Variants in THRB observed in about 807,000 individuals in gnomAD.
The protein encoded by THRB is thyroid hormone receptor beta, also known as nuclear receptor subfamily 1 group A member 2.
In THRB, 12 loss-of-function variants were observed where a neutral mutation model predicts 47.8. That is an observed-to-expected ratio of 0.25 (90% CI 0.16 to 0.41). The LOEUF (loss-of-function observed/expected upper bound fraction) is 0.41, where lower values mean the gene tolerates loss of function less well. Ranked by LOEUF, THRB falls within the 10% of genes least tolerant of loss-of-function variation. The pLI is 1.00. For missense variants in THRB, 348 were observed against 589.2 expected, an observed-to-expected ratio of 0.59 and a Z score of 4.24; for synonymous variants, 218 against 212.2, an observed-to-expected ratio of 1.03 and a Z score of -0.24.
At chr3:24,386,559 C>A (rs1460341549) in intron 1 of THRB, among the ~76,000 whole-genome samples, 1 of 152,134 alleles carries the variant, frequency 6.6e-6, no homozygotes. Flanking sequence ...CCATGCTTTT[C>A]ACCTCTCTAC....
At chr3:24,228,632 CAAAGA>C (rs1559667192) in intron 4 of THRB, among the ~76,000 whole-genome samples, 6 of 59,196 alleles carry the variant, frequency 1.0e-4, no homozygotes, top group Admixed American at 2.1e-4. Context: ...GACCATGTCT[CAAAGA>C]AAAAAAAAAA....
At chr3:24,346,287 AT>A (rs1428480456) in intron 1 of THRB, among the ~76,000 whole-genome samples, 1 of 152,106 alleles carries the variant, frequency 6.6e-6, no homozygotes, top group African/African-American at 2.4e-5. Context: ...TAATAAATTA[AT>A]GATTCACTTT....
chr3:24,220,845 T>C (rs779495023), intron 4 of THRB, among the ~76,000 whole-genome samples: 17 of 151,620 alleles, frequency 1.1e-4, no homozygotes, highest in Non-Finnish European at 2.5e-4. Flanking sequence ...TTTGAAGCCA[T>C]TTAACCCACA....
intron 2 of THRB, among the ~76,000 whole-genome samples, chr3:24,328,442 T>C (rs2061722590): frequency 6.6e-6 from 1 of 152,138 alleles, no homozygotes; most frequent in Non-Finnish European, 1.5e-5. Flanking sequence ...AAACTCCAAA[T>C]GTCCAAACCC....
intron 5 of THRB, among the ~76,000 whole-genome samples, chr3:24,170,999 C>G (rs1352380329): frequency 6.6e-6 from 1 of 152,152 alleles, no homozygotes; most frequent in Non-Finnish European, 1.5e-5. Context: ...AGAGATAGAG[C>G]TGTTTATTAA....
At chr3:24,443,849 C>G (rs4241526) in intron 1 of THRB, among the ~76,000 whole-genome samples, 124,168 of 152,050 alleles carry the variant, frequency 0.82, 51,552 homozygotes, top group Non-Finnish European at 0.89. Flanking sequence ...GACTGAAATT[C>G]GAAGGGAATA....
chr3:24,383,955 C>T (rs2065890102), intron 1 of THRB, among the ~76,000 whole-genome samples: 1 of 152,102 alleles, frequency 6.6e-6, no homozygotes, highest in Non-Finnish European at 1.5e-5. Flanking sequence ...ATGGTAAATT[C>T]TCAGCAATTA....
chr3:24,444,011 A>T (rs2071809944), intron 1 of THRB, among the ~76,000 whole-genome samples: 8 of 152,146 alleles, frequency 5.3e-5, no homozygotes, highest in Admixed American at 3.9e-4. Flanking sequence ...ATTTTATAGT[A>T]TTCCAAAACC....
At chr3:24,354,418 A>G (rs1032842785) in intron 1 of THRB, among the ~76,000 whole-genome samples, 1 of 152,182 alleles carries the variant, frequency 6.6e-6, no homozygotes, top group Non-Finnish European at 1.5e-5. Flanking sequence ...GCTATCACAA[A>G]TTGGACAGAA....
intron 1 of THRB, among the ~76,000 whole-genome samples, chr3:24,427,481 T>C (rs539081384): frequency 3.3e-5 from 5 of 152,024 alleles, no homozygotes; most frequent in South Asian, 4.1e-4. Context: ...GTGCTTTTTA[T>C]AACCAAAAAA....
chr3:24,165,160 G>T (rs1370912758), intron 5 of THRB: 1 of 765,020 alleles, frequency 1.3e-6, no homozygotes, highest in Admixed American at 1.7e-5. Flanking sequence ...TGTTTCCAGG[G>T]TAACTACAGG....
chr3:24,209,942 T>G (rs190786085), intron 4 of THRB, among the ~76,000 whole-genome samples: 1 of 152,184 alleles, frequency 6.6e-6, no homozygotes, highest in Non-Finnish European at 1.5e-5. Flanking sequence ...AGAAAAAATA[T>G]TGTGCTGTTA....
chr3:24,180,743 T>C (rs2041791551), intron 5 of THRB, among the ~76,000 whole-genome samples: 1 of 152,154 alleles, frequency 6.6e-6, no homozygotes, highest in South Asian at 2.1e-4. Context: ...AGCCACAGAA[T>C]AGAATAACTG....
intron 4 of THRB, among the ~76,000 whole-genome samples, chr3:24,220,935 T>C (rs1009754925): frequency 4.3e-4 from 65 of 152,200 alleles, no homozygotes; most frequent in African/African-American, 1.4e-3. Context: ...CTTCACCACA[T>C]TGGCTTCAGC....
At chr3:24,149,437 A>G (rs1199893544) in intron 6 of THRB, among the ~76,000 whole-genome samples, 1 of 152,184 alleles carries the variant, frequency 6.6e-6, no homozygotes, top group African/African-American at 2.4e-5. Flanking sequence ...GACCAGTAAG[A>G]CCACGCTAAG....
At chr3:24,205,570 T>G (rs1014669646) in intron 4 of THRB, among the ~76,000 whole-genome samples, 8 of 152,284 alleles carry the variant, frequency 5.3e-5, no homozygotes, top group South Asian at 4.1e-4. Flanking sequence ...AGACCATCGA[T>G]GCTAGAAAGA....
chr3:24,290,696 A>G (rs76569641), intron 3 of THRB, among the ~76,000 whole-genome samples: 3,549 of 152,276 alleles, frequency 0.023, 129 homozygotes, highest in African/African-American at 0.078. Flanking sequence ...TTTTTCTAGC[A>G]ATTGTTGATC....
chr3:24,479,068 G>A (rs1695948320), intron 1 of THRB, among the ~76,000 whole-genome samples: 1 of 152,188 alleles, frequency 6.6e-6, no homozygotes, highest in Non-Finnish European at 1.5e-5. Context: ...GGAGGCCAAG[G>A]TGGGAGGATC....
At chr3:24,255,433 G>A (rs916399996) in intron 3 of THRB, among the ~76,000 whole-genome samples, 1 of 152,148 alleles carries the variant, frequency 6.6e-6, no homozygotes, top group African/African-American at 2.4e-5. Context: ...GTCTTTTGGA[G>A]AGAATATATA....
Sources: gnomAD v4.1 joint callset for allele counts (sites outside exome capture counted in the v4.1 genomes callset) on GRCh38, gnomAD v4.1.1 for gene constraint, MANE v1.5 for transcripts, NCBI Gene and HGNC (gene_info 2026-07-23, HGNC 2026-07-21) for gene names.